Variants in EFCAB14 observed in about 807,000 individuals in gnomAD.
The protein encoded by EFCAB14 is EF-hand calcium-binding domain-containing protein 14.
EFCAB14 carries 43 observed loss-of-function variants against 56.5 expected under a neutral mutation model. The observed-to-expected ratio is 0.76, with a 90% CI of 0.60 to 0.98. The LOEUF (loss-of-function observed/expected upper bound fraction) is 0.98. EFCAB14 is among the 50% of genes least tolerant of loss of function. The probability of loss-of-function intolerance (pLI) is 0.00; values close to 1 mark genes in which losing one functional copy is unlikely to be tolerated. For synonymous variants in EFCAB14, 235 were observed against 212.9 expected (o/e 1.10, Z -0.90); for missense variants, 538 against 580.3 (o/e 0.93, Z 0.75).
chr1:46,717,821 TC>T, intron 1 of EFCAB14, 81 bp downstream of exon 1: 1 of 1,473,552 alleles, frequency 6.8e-7, no homozygotes, highest in Non-Finnish European at 9.2e-7. Flanking sequence ...CCTAAGGACT[TC>T]CTTTCTCCTT....
chr1:46,692,083 C>T lies in EFCAB14; in HGVS notation c.580-146G>A, dbSNP rs529804565. 2.4e-4 allele frequency: 132 copies of T among 561,016 alleles called. No individual in the cohort carries two copies. The South Asian group carries it at 2.6e-3, about 11-fold the overall frequency. 34.8% of individuals were successfully genotyped at this position (561,016 alleles called of 1,614,324 possible). On this transcript the variant is annotated intron_variant, in intron 4 of 10. Coordinates refer to ENST00000371933, the MANE Select transcript of EFCAB14 (RefSeq NM_014774.3). ...AGTACTACAATCAAGATAATAAACA[C>T]TCATCACCTCTGAAAGTTTCCTCAT...
rs1331995029 is a variant in EFCAB14, at chr1:46,716,400, C to T, written c.229G>A (p.Gly77Ser). 1.9e-6 allele frequency: 3 copies of T among 1,614,082 alleles called. No individual in the cohort carries two copies. The highest frequency in any genetic ancestry group is 2.2e-5 in the South Asian group (2 of 91,078). ...RCCKICYPLC[G>S]FVILAACVVA... is the part of the protein sequence containing the mutation. ...ACACAGGCAGCAAGGATGACAAAACCACAGAGCGGATAACAGATCTTGCAG... is the reference window on the plus strand; with the variant it reads ...ACACAGGCAGCAAGGATGACAAAACTACAGAGCGGATAACAGATCTTGCAG... The change falls in exon 2 of 11, where the codon GGT becomes AGT. Residue 77 changes from glycine to serine, a missense_variant. Transcript: ENST00000371933.
chr1:46,683,356 A>G lies in EFCAB14; in HGVS notation c.1256T>C (p.Val419Ala), dbSNP rs1255779958. ...AGGTCTTAGTTGGGCAGCTTTCTCA[A>G]CTGGGTCTCCAAGAAACTGTGAAAA... ...PKFSQFLGDP[V>A]EKAAQLRPIS... The change falls in exon 10 of 11, where the codon GTT (valine) becomes GCT (alanine). Residue 419 changes from valine to alanine, a missense_variant. Physicochemically the swap from Val to Ala is moderately conservative, Grantham distance 64 (BLOSUM62 0). Coordinates refer to ENST00000371933, the MANE Select transcript of EFCAB14 (RefSeq NM_014774.3). 4 of 1,614,090 alleles carry G rather than the reference A, an allele frequency of 2.5e-6. No homozygotes were observed. Among genetic ancestry groups the G allele is most frequent in the Middle Eastern group, 1.7e-4 (1 of 6,060 alleles).
intron 1 of EFCAB14, among the ~76,000 whole-genome samples, chr1:46,716,835 T>TCCGGGGAACCTTGCTCACA (rs1677403593): frequency 6.6e-6 from 1 of 152,208 alleles, no homozygotes; most frequent in Non-Finnish European, 1.5e-5. Context: ...ACATACTCAC[T>TCCGGGGAACCTTGCTCACA]CCGGGGAACC....
chr1:46,714,443 A>T (rs1371669596), intron 2 of EFCAB14, among the ~76,000 whole-genome samples: 1 of 152,064 alleles, frequency 6.6e-6, no homozygotes, highest in Non-Finnish European at 1.5e-5. Flanking sequence ...AAAAAAAAAA[A>T]AAAAAATTCT....
intron 3 of EFCAB14, among the ~76,000 whole-genome samples, chr1:46,698,370 A>C (rs1418499829): frequency 1.3e-5 from 2 of 152,128 alleles, no homozygotes; most frequent in South Asian, 2.1e-4. Context: ...CTGGTGAACA[A>C]CACAGATGTC....
intron 3 of EFCAB14, among the ~76,000 whole-genome samples, chr1:46,701,220 C>A (rs1677151157): frequency 6.6e-6 from 1 of 152,114 alleles, no homozygotes; most frequent in Admixed American, 6.6e-5. Flanking sequence ...CTTGGCTGAC[C>A]CTTTCTTCCA....
At chr1:46,714,202 G>A (rs932756440) in intron 2 of EFCAB14, among the ~76,000 whole-genome samples, 2 of 152,148 alleles carry the variant, frequency 1.3e-5, no homozygotes, top group Non-Finnish European at 2.9e-5. Flanking sequence ...AATCTTCTAG[G>A]CTTCAGATGG....
intron 2 of EFCAB14, among the ~76,000 whole-genome samples, chr1:46,713,817 A>G (rs1467966383): frequency 6.6e-6 from 1 of 152,208 alleles, no homozygotes; most frequent in Non-Finnish European, 1.5e-5. Flanking sequence ...GTGGTTACTT[A>G]TGGTTGAACA....
At chr1:46,684,347 A>G (rs1272274474) in intron 9 of EFCAB14, 144 bp downstream of exon 9, 2 of 630,722 alleles carry the variant, frequency 3.2e-6, no homozygotes, top group South Asian at 2.0e-5. Flanking sequence ...AAATGAAAGC[A>G]AAGTGTATCA....
At chr1:46,709,123 C>G (rs1443429565) in intron 2 of EFCAB14, among the ~76,000 whole-genome samples, 2 of 152,186 alleles carry the variant, frequency 1.3e-5, no homozygotes, top group Non-Finnish European at 2.9e-5. Flanking sequence ...ATTTTGTTCA[C>G]TTCTACACTT....
intron 2 of EFCAB14, among the ~76,000 whole-genome samples, chr1:46,715,138 G>C (rs879584213): frequency 7.2e-5 from 11 of 152,158 alleles, no homozygotes; most frequent in Non-Finnish European, 1.5e-4. Flanking sequence ...CTTGCTCTAA[G>C]CTTGAAAACT....
chr1:46,690,864 C>T (rs1379428794), intron 5 of EFCAB14, among the ~76,000 whole-genome samples: 1 of 144,802 alleles, frequency 6.9e-6, no homozygotes, highest in Non-Finnish European at 1.5e-5. Context: ...ACAAACTTCC[C>T]AATTTAAACT....
At position 46,676,572 on chromosome 1, in the gene EFCAB14, A is replaced by C. The variant is rs899024272; in HGVS notation, c.*1889T>G. 2 of 152,610 alleles carry C rather than the reference A, an allele frequency of 1.3e-5. No individual in the cohort carries two copies. Among genetic ancestry groups the C allele is most frequent in the East Asian group, 3.8e-4 (2 of 5,204 alleles). The allele number at this position is 152,610 out of a possible 1,614,324, so 9.5% of individuals were successfully genotyped here. The stretch of plus-strand genomic sequence containing the variant: ...TATACAAATATAGCAGTATAATTCA[A>C]TTTATTGCTAGAATTTTATTTGGTT... On this transcript the variant is annotated 3_prime_UTR_variant, in exon 11 of 11. Coordinates refer to ENST00000371933, the MANE Select transcript of EFCAB14 (RefSeq NM_014774.3).
At chr1:46,706,355 G>A (rs887314048) in intron 3 of EFCAB14, among the ~76,000 whole-genome samples, 2 of 152,164 alleles carry the variant, frequency 1.3e-5, no homozygotes, top group African/African-American at 4.8e-5. Flanking sequence ...CTAGCTTCCT[G>A]GTTAAAGAGA....
chr1:46,710,128 T>C lies in EFCAB14; in HGVS notation c.335-2077A>G, dbSNP rs139237178. Among the ~76,000 whole-genome samples the C allele has an allele frequency of 1.8e-4, 27 of 152,236 alleles. No individual in the cohort carries two copies. In the East Asian group the frequency reaches 3.7e-3, roughly 21 times the overall value. ...GAAAATTCAGAATAATTAAAAGAAA[T>C]GAGATATATTTATTCATTTTCCAAA... is the stretch of plus-strand genomic sequence containing the variant. On this transcript the variant is annotated intron_variant, in intron 2 of 10. Transcript: ENST00000371933.
chr1:46,717,430 C>A (rs1381652524), intron 1 of EFCAB14, among the ~76,000 whole-genome samples: 8 of 152,176 alleles, frequency 5.3e-5, no homozygotes, highest in Non-Finnish European at 1.2e-4. Context: ...TGCCCCCCGA[C>A]CCCACCTACT....
intron 6 of EFCAB14, among the ~76,000 whole-genome samples, chr1:46,689,167 T>C (rs1676938141): frequency 6.6e-6 from 1 of 152,222 alleles, no homozygotes; most frequent in South Asian, 2.1e-4. Context: ...TTTTCGTCTT[T>C]AGACTTTAGA....
intron 10 of EFCAB14, chr1:46,683,085 G>GCAGTTTC (rs1676820914): frequency 2.5e-6 from 1 of 401,972 alleles, no homozygotes; most frequent in East Asian, 4.9e-5. Context: ...GTGGACTTAG[G>GCAGTTTC]CAGTTTCCCT....
Sources: gnomAD v4.1 joint callset for allele counts (sites outside exome capture counted in the v4.1 genomes callset) on GRCh38, gnomAD v4.1.1 for gene constraint, MANE v1.5 for transcripts, NCBI Gene and HGNC (gene_info 2026-07-23, HGNC 2026-07-21) for gene names.